The following GRIK2 variants were observed in gnomAD, a reference collection of about 807,000 sequenced individuals.
GRIK2 encodes the protein glutamate receptor ionotropic, kainate 2.
Under a neutral mutation model 100.3 loss-of-function variants are expected in GRIK2, and 32 were observed. That is an observed-to-expected ratio of 0.32 (90% CI 0.24 to 0.43). The LOEUF is 0.43. GRIK2 is among the 20% of genes least tolerant of loss of function. The pLI, the probability that GRIK2 is intolerant of heterozygous loss-of-function variation, is 1.00. For missense variants in GRIK2, 843 were observed against 1,114.9 expected, an observed-to-expected ratio of 0.76 and a Z score of 3.47; for synonymous variants, 417 against 389.4, an observed-to-expected ratio of 1.07 and a Z score of -0.83.
intron 2 of GRIK2, among the ~76,000 whole-genome samples, chr6:101,524,002 G>T (rs553080398): frequency 1.3e-5 from 2 of 152,126 alleles, no homozygotes; most frequent in Non-Finnish European, 2.9e-5. Flanking sequence ...GATTACAGGC[G>T]TGAGCCACCA....
rs570932011 is a variant in GRIK2, at chr6:101,553,277, A to G, written c.116-68672A>G. On this transcript the variant is annotated intron_variant, in intron 2 of 16. Transcript: ENST00000369134. ...CTATTAAATATTTTCAGCATTCTCAATTAAAAGGTTAGGGTGTATCAATGT... is the reference window on the plus strand; with the variant it reads ...CTATTAAATATTTTCAGCATTCTCAGTTAAAAGGTTAGGGTGTATCAATGT... Among the ~76,000 whole-genome samples the G allele has an allele frequency of 1.6e-4, 25 of 152,320 alleles. No homozygotes were observed. In the South Asian group the frequency reaches 5.0e-3, roughly 30 times the overall value.
At chr6:102,034,885 A>C (rs545597695) in intron 14 of GRIK2, among the ~76,000 whole-genome samples, 1 of 151,448 alleles carries the variant, frequency 6.6e-6, no homozygotes, top group African/African-American at 2.4e-5. Flanking sequence ...CGTTAACCCA[A>C]GTTGGGGGAA....
intron 2 of GRIK2, chr6:101,431,018 C>T: frequency 3.9e-6 from 1 of 254,364 alleles, no homozygotes; most frequent in South Asian, 5.9e-5. Flanking sequence ...ACTAGTAGTA[C>T]TACCGGAGGT....
intron 10 of GRIK2, among the ~76,000 whole-genome samples, chr6:101,825,560 C>T (rs1457182071): frequency 1.3e-5 from 2 of 151,854 alleles, no homozygotes; most frequent in Non-Finnish European, 1.5e-5. Context: ...TTTCCTTTGT[C>T]CTTTATTAAA....
intron 2 of GRIK2, among the ~76,000 whole-genome samples, chr6:101,534,111 G>A (rs1775573215): frequency 6.7e-6 from 1 of 149,680 alleles, no homozygotes; most frequent in South Asian, 2.1e-4. Context: ...TTAATCAGAA[G>A]CAGCATTTGT....
intron 15 of GRIK2, among the ~76,000 whole-genome samples, chr6:102,042,257 A>G (rs985763056): frequency 2.0e-5 from 3 of 151,268 alleles, no homozygotes; most frequent in African/African-American, 4.8e-5. Flanking sequence ...TAGGAGAAAA[A>G]TCATCTCCAA....
intron 2 of GRIK2, among the ~76,000 whole-genome samples, chr6:101,604,112 C>A (rs577942680): frequency 1.3e-5 from 2 of 151,478 alleles, no homozygotes; most frequent in Non-Finnish European, 1.5e-5. Context: ...AATTAAAATT[C>A]TTTCGAGGAT....
chr6:101,665,475 A>C (rs1769958458), intron 4 of GRIK2, among the ~76,000 whole-genome samples: 1 of 152,196 alleles, frequency 6.6e-6, no homozygotes, highest in Non-Finnish European at 1.5e-5. Context: ...AAAATTTTAT[A>C]TTCTAGTAGA....
At chr6:101,844,449 C>T (rs1048242275) in intron 10 of GRIK2, among the ~76,000 whole-genome samples, 3 of 152,096 alleles carry the variant, frequency 2.0e-5, no homozygotes, top group Non-Finnish European at 4.4e-5. Context: ...TCTCAAAGAA[C>T]GACATGGCTT....
chr6:101,571,941 G>GA (rs1160743100), intron 2 of GRIK2, among the ~76,000 whole-genome samples: 1 of 151,892 alleles, frequency 6.6e-6, no homozygotes, highest in Non-Finnish European at 1.5e-5. Flanking sequence ...TTACAAAACA[G>GA]AAAAAAGGTG....
chr6:101,558,268 G>A (rs1052199968), intron 2 of GRIK2, among the ~76,000 whole-genome samples: 3 of 151,810 alleles, frequency 2.0e-5, no homozygotes, highest in East Asian at 1.9e-4. Context: ...GTAGGCCTTC[G>A]GGTTTAGAAG....
intron 7 of GRIK2, among the ~76,000 whole-genome samples, chr6:101,780,717 A>G (rs1779031011): frequency 6.6e-6 from 1 of 152,136 alleles, no homozygotes; most frequent in East Asian, 1.9e-4. Flanking sequence ...GAGTCAAGGC[A>G]AGGAATTATA....
chr6:102,055,569 C>T lies in GRIK2; in HGVS notation c.2551C>T (p.Gln851Ter). 1 of 1,605,950 alleles carries T rather than the reference C, an allele frequency of 6.2e-7. No individual in the cohort carries two copies. The highest frequency in any genetic ancestry group is 8.5e-7 in the Non-Finnish European group (1 of 1,173,074). ...EFLYKSKKNA[Q>*]LEKRSFCSAM... ...TTTATACAAATCCAAAAAAAACGCT[C>T]AATTGGAAAAGGTAAATGTTACTTG... The change falls in exon 16 of 17, where the codon CAA (glutamine) becomes TAA (stop). Residue 851 changes from glutamine (Q) to a stop codon, truncating the protein, a stop_gained. Coordinates refer to ENST00000369134, the MANE Select transcript of GRIK2 (RefSeq NM_021956.5). LOFTEE classifies it high-confidence loss of function.
At chr6:102,041,256 G>T (rs530751570) in intron 15 of GRIK2, among the ~76,000 whole-genome samples, 1 of 151,602 alleles carries the variant, frequency 6.6e-6, no homozygotes, top group South Asian at 2.1e-4. Flanking sequence ...ATGTAGAAAT[G>T]GATAATTCTC....
At chr6:101,482,489 C>G (rs1772584293) in intron 2 of GRIK2, among the ~76,000 whole-genome samples, 1 of 151,836 alleles carries the variant, frequency 6.6e-6, no homozygotes, top group Non-Finnish European at 1.5e-5. Flanking sequence ...GTGGGTGAGA[C>G]AAAAAGCGAC....
chr6:101,584,108 GA>G (rs897746542), intron 2 of GRIK2, among the ~76,000 whole-genome samples: 5 of 151,898 alleles, frequency 3.3e-5, no homozygotes, highest in Non-Finnish European at 5.9e-5. Flanking sequence ...TTCTGTTAAA[GA>G]AAAAATATGA....
chr6:102,037,624 T>TTTAATATACTATAAATGTA (rs1770341293), intron 15 of GRIK2, among the ~76,000 whole-genome samples: 1 of 148,956 alleles, frequency 6.7e-6, no homozygotes, highest in South Asian at 2.1e-4. Flanking sequence ...GGCAATTAAT[T>TTTAATATACTATAAATGTA]TTAATATACT....
intron 12 of GRIK2, among the ~76,000 whole-genome samples, chr6:101,901,299 T>A (rs896219071): frequency 2.6e-5 from 4 of 152,074 alleles, no homozygotes; most frequent in Non-Finnish European, 4.4e-5. Flanking sequence ...AGAAAAAAAA[T>A]GTATATTGAT....
At chr6:102,024,598 T>C (rs925342272) in intron 14 of GRIK2, among the ~76,000 whole-genome samples, 1 of 150,872 alleles carries the variant, frequency 6.6e-6, no homozygotes, top group African/African-American at 2.4e-5. Flanking sequence ...TCAAGAGGAG[T>C]GTGGAATGTG....
Sources: gnomAD v4.1 joint callset for allele counts (sites outside exome capture counted in the v4.1 genomes callset) on GRCh38, gnomAD v4.1.1 for gene constraint, MANE v1.5 for transcripts, NCBI Gene and HGNC (gene_info 2026-07-23, HGNC 2026-07-21) for gene names.